Variants in TTLL11 observed in about 807,000 individuals in gnomAD.
TTLL11 encodes the protein tubulin polyglutamylase TTLL11.
In TTLL11, 42 loss-of-function variants were observed where a neutral mutation model predicts 51.7. That is an observed-to-expected ratio of 0.81 (90% CI 0.64 to 1.05). TTLL11 has a LOEUF of 1.05. TTLL11 is among the 50% of genes least tolerant of loss of function. The pLI is 0.00. For synonymous variants in TTLL11, 381 were observed against 383.5 expected (o/e 0.99, Z 0.08); for missense variants, 799 against 940.4 (o/e 0.85, Z 1.97).
At chr9:121,891,145 T>C (rs1477092423) in intron 6 of TTLL11, among the ~76,000 whole-genome samples, 6 of 152,222 alleles carry the variant, frequency 3.9e-5, no homozygotes, top group Admixed American at 3.3e-4. Context: ...AACCCATCTC[T>C]AGCTGTTCTA....
At position 121,958,275 on chromosome 9, in the gene TTLL11, G is replaced by A. The variant is rs56291699; in HGVS notation, c.1481+15734C>T. On this transcript the variant is annotated intron_variant, in intron 6 of 8. Coordinates refer to ENST00000321582, the MANE Select transcript of TTLL11 (RefSeq NM_001139442.2). ...TCAGTCAACCCTTATCATTTCAGGC[G>A]AAGTAAGTCATTGCTGTTGCTGTTT... Among the ~76,000 whole-genome samples the A allele has an allele frequency of 3.3e-3, 504 of 152,346 alleles. 2 individuals are homozygous for A. The highest frequency in any genetic ancestry group is 4.9e-3 in the Admixed American group (75 of 15,304).
At chr9:122,059,764 T>C (rs1345903511) in intron 1 of TTLL11, among the ~76,000 whole-genome samples, 1 of 152,204 alleles carries the variant, frequency 6.6e-6, no homozygotes, top group Non-Finnish European at 1.5e-5. Context: ...CCTGCTCCGG[T>C]TATCACGAGG....
chr9:121,976,181 A>T (rs1842705622), intron 4 of TTLL11, among the ~76,000 whole-genome samples: 1 of 152,230 alleles, frequency 6.6e-6, no homozygotes. Context: ...ACACCCCTGC[A>T]CAGGTGGAGT....
intron 3 of TTLL11, among the ~76,000 whole-genome samples, chr9:122,014,003 C>G (rs1014452393): frequency 6.6e-6 from 1 of 152,046 alleles, no homozygotes; most frequent in African/African-American, 2.4e-5. Flanking sequence ...ACTGAAGAAG[C>G]CTTGGCGGGT....
chr9:121,851,169 G>A (rs552394964), intron 8 of TTLL11, among the ~76,000 whole-genome samples: 7 of 152,292 alleles, frequency 4.6e-5, no homozygotes, highest in African/African-American at 1.7e-4. Context: ...AAGATCAGGC[G>A]CTCACGGAGG....
chr9:122,003,544 G>A (rs865956913), intron 3 of TTLL11, among the ~76,000 whole-genome samples: 8 of 145,246 alleles, frequency 5.5e-5, no homozygotes, highest in Middle Eastern at 7.6e-3. Flanking sequence ...TAGTGCAGTG[G>A]TGCAATCTCG....
At chr9:121,833,997 C>T (rs759861275) in intron 8 of TTLL11, among the ~76,000 whole-genome samples, 5 of 152,098 alleles carry the variant, frequency 3.3e-5, no homozygotes, top group Non-Finnish European at 7.3e-5. Flanking sequence ...TCTGTCTTAT[C>T]GTACAATTCT....
intron 4 of TTLL11, among the ~76,000 whole-genome samples, chr9:121,986,158 A>G (rs1011827426): frequency 6.6e-6 from 1 of 152,232 alleles, no homozygotes; most frequent in Non-Finnish European, 1.5e-5. Flanking sequence ...ACTTGCAGAC[A>G]TGATCTGTCC....
Position 121,870,596 on chromosome 9 carries a change from T to C in TTLL11, c.1634A>G (p.Tyr545Cys). 6.4e-7 allele frequency: 1 copy of C among 1,551,706 alleles called. No individual in the cohort carries two copies. The highest frequency in any genetic ancestry group is 2.4e-5 in the East Asian group (1 of 40,922). The change falls in exon 7 of 9, where the codon TAC becomes TGC. Residue 545 changes from tyrosine to cysteine, a missense_variant. Coordinates refer to ENST00000321582, the MANE Select transcript of TTLL11 (RefSeq NM_001139442.2). Reference sequence around the variant, plus strand: ...TGCCATCCTGTCCACCAGGCGCAGGTAGTTGAACTGTTTTGCGTACTTGGG... The same window carrying C: ...TGCCATCCTGTCCACCAGGCGCAGGCAGTTGAACTGTTTTGCGTACTTGGG... Reference protein sequence around the residue: ...VFPKYAKQFNYLRLVDRMANL... With the variant: ...VFPKYAKQFNCLRLVDRMANL...
intron 4 of TTLL11, among the ~76,000 whole-genome samples, chr9:121,982,519 C>T (rs1842848012): frequency 6.6e-6 from 1 of 152,028 alleles, no homozygotes; most frequent in African/African-American, 2.4e-5. Flanking sequence ...GAGTTCAAGA[C>T]CAGCCTCACC....
At chr9:122,046,554 T>A (rs1254378890) in intron 1 of TTLL11, among the ~76,000 whole-genome samples, 2 of 152,224 alleles carry the variant, frequency 1.3e-5, no homozygotes, top group South Asian at 4.1e-4. Flanking sequence ...CAGATTGTCA[T>A]GGAGCATTGA....
At chr9:121,866,491 C>G (rs1838178191) in intron 7 of TTLL11, among the ~76,000 whole-genome samples, 1 of 151,928 alleles carries the variant, frequency 6.6e-6, no homozygotes, top group South Asian at 2.1e-4. Flanking sequence ...GAAACCCCAT[C>G]TCTACTAAAA....
intron 1 of TTLL11, among the ~76,000 whole-genome samples, chr9:122,090,078 C>A (rs1446272806): frequency 6.6e-6 from 1 of 152,062 alleles, no homozygotes; most frequent in African/African-American, 2.4e-5. Flanking sequence ...TTGGAAAAAG[C>A]CTACCCACTG....
At chr9:121,955,180 G>A (rs368436913) in intron 6 of TTLL11, among the ~76,000 whole-genome samples, 8 of 152,190 alleles carry the variant, frequency 5.3e-5, no homozygotes, top group Non-Finnish European at 1.0e-4. Flanking sequence ...TACGAGCACC[G>A]TTGGTTTACT....
intron 1 of TTLL11, among the ~76,000 whole-genome samples, chr9:122,080,630 G>A (rs528395183): frequency 2.0e-4 from 30 of 152,078 alleles, no homozygotes; most frequent in Middle Eastern, 3.4e-3. Context: ...GAGTTCAAGG[G>A]TGCAGTGAGC....
At chr9:121,938,661 T>C (rs1006465490) in intron 6 of TTLL11, among the ~76,000 whole-genome samples, 8 of 152,080 alleles carry the variant, frequency 5.3e-5, no homozygotes, top group Admixed American at 6.5e-5. Flanking sequence ...AGATAATTCA[T>C]AGAGAAAGAA....
intron 1 of TTLL11, among the ~76,000 whole-genome samples, chr9:122,087,206 T>C (rs1846148117): frequency 6.7e-6 from 1 of 150,100 alleles, no homozygotes; most frequent in South Asian, 2.1e-4. Flanking sequence ...TAGTAAATAC[T>C]CAATACAATT....
At chr9:121,996,710 A>G (rs1843278938) in intron 3 of TTLL11, among the ~76,000 whole-genome samples, 2 of 152,250 alleles carry the variant, frequency 1.3e-5, no homozygotes, top group African/African-American at 4.8e-5. Context: ...TCTTTCTACC[A>G]TAATTAATTC....
At chr9:122,088,744 G>A (rs773848332) in intron 1 of TTLL11, among the ~76,000 whole-genome samples, 2 of 152,144 alleles carry the variant, frequency 1.3e-5, no homozygotes, top group African/African-American at 2.4e-5. Flanking sequence ...GGTGGCTCAC[G>A]CCTGTAATCC....
Sources: allele counts gnomAD v4.1 joint callset (sites outside exome capture counted in the v4.1 genomes callset), GRCh38; gene constraint gnomAD v4.1.1; transcripts MANE v1.5; gene names NCBI Gene and HGNC (gene_info 2026-07-23, HGNC 2026-07-21).